The following FYB1 variants were observed in gnomAD, a reference collection of about 807,000 sequenced individuals.
The protein encoded by FYB1 is FYN binding protein 1, also known as FYN-binding protein 1.
Under a neutral mutation model 94.1 loss-of-function variants are expected in FYB1, and 41 were observed. The observed-to-expected ratio is 0.44, with a 90% CI of 0.34 to 0.57. FYB1 has a LOEUF of 0.57. Ranked by LOEUF, FYB1 falls within the 20% of genes least tolerant of loss-of-function variation. The pLI is 0.02. For missense variants in FYB1, 1,050 were observed against 976.8 expected (o/e 1.07, Z -1.00); for synonymous variants, 367 against 353.2 (o/e 1.04, Z -0.44).
intron 1 of FYB1, among the ~76,000 whole-genome samples, chr5:39,230,537 A>G (rs1750676180): frequency 6.6e-6 from 1 of 151,984 alleles, no homozygotes; most frequent in South Asian, 2.1e-4. Context: ...ATATATATGT[A>G]TATATGTATA....
chr5:39,111,993 CT>C (rs1471380792), intron 16 of FYB1, among the ~76,000 whole-genome samples: 1 of 151,900 alleles, frequency 6.6e-6, no homozygotes, highest in Non-Finnish European at 1.5e-5. Flanking sequence ...TGTTAACAGA[CT>C]TTCTTTTTAA....
At chr5:39,146,547 C>T (rs953247831) in intron 3 of FYB1, among the ~76,000 whole-genome samples, 14 of 152,206 alleles carry the variant, frequency 9.2e-5, no homozygotes, top group Admixed American at 7.2e-4. Flanking sequence ...AAGAGACTAA[C>T]TTTTATTACT....
chr5:39,201,701 T>C, intron 2 of FYB1, 125 bp downstream of exon 2: 1 of 824,790 alleles, frequency 1.2e-6, no homozygotes, highest in Non-Finnish European at 1.8e-6. Flanking sequence ...CAAAGAAAAT[T>C]CATTATACAC....
chr5:39,144,428 A>G (rs1312430386), intron 3 of FYB1, among the ~76,000 whole-genome samples: 1 of 152,238 alleles, frequency 6.6e-6, no homozygotes, highest in African/African-American at 2.4e-5. Context: ...GAACTATAGT[A>G]TCCACAAACA....
Position 39,148,381 on chromosome 5 carries a change from GTTTTTTTTTTTTTTTTT to G in FYB1, c.1292+5050_1292+5066del, listed in dbSNP as rs538508812. 3.0e-3 allele frequency among the ~76,000 whole-genome samples: 113 copies of G among 38,176 alleles called. 3 individuals carry two copies. Among genetic ancestry groups the G allele is most frequent in the Middle Eastern group, 0.025 (1 of 40 alleles). The allele number at this position is 38,176 out of a possible 152,430, so 25.0% of individuals were successfully genotyped here. On this transcript the variant is annotated intron_variant, in intron 3 of 18. Transcript: ENST00000512982. ...GCATTTAGCTTTTAATTATCAGCAG[GTTTTTTTTTTTTTTTTT>G]TTTTTTTTTTTTTTTTTTTTAAAGA...
At chr5:39,268,135 T>A (rs1324462121) in intron 1 of FYB1, among the ~76,000 whole-genome samples, 1 of 152,200 alleles carries the variant, frequency 6.6e-6, no homozygotes, top group Non-Finnish European at 1.5e-5. Flanking sequence ...TTTAAAATGA[T>A]GACATTCTCG....
At chr5:39,258,747 CAT>C (rs1387938528) in intron 1 of FYB1, among the ~76,000 whole-genome samples, 1 of 151,936 alleles carries the variant, frequency 6.6e-6, no homozygotes, top group Non-Finnish European at 1.5e-5. Flanking sequence ...TGACTTAGCA[CAT>C]GTCAGTGATA....
At chr5:39,188,009 G>A (rs1032825630) in intron 2 of FYB1, among the ~76,000 whole-genome samples, 5 of 152,180 alleles carry the variant, frequency 3.3e-5, no homozygotes, top group Admixed American at 6.5e-5. Context: ...GGCAAGAGTC[G>A]TTGATTACAG....
intron 1 of FYB1, among the ~76,000 whole-genome samples, chr5:39,253,821 G>A (rs1751830289): frequency 6.6e-6 from 1 of 152,094 alleles, no homozygotes; most frequent in Admixed American, 6.6e-5. Context: ...TATTTTTCCT[G>A]ATCCTCTTCT....
At chr5:39,186,196 C>CG (rs2150442244) in intron 2 of FYB1, among the ~76,000 whole-genome samples, 1 of 152,230 alleles carries the variant, frequency 6.6e-6, no homozygotes, top group East Asian at 1.9e-4. Context: ...GAGGCGAAGG[C>CG]GGGAGGATCA....
Position 39,123,774 on chromosome 5 carries a change from GA to G in FYB1, c.2071+478del, listed in dbSNP as rs573421526. 1.8e-4 allele frequency among the ~76,000 whole-genome samples: 27 copies of G among 152,138 alleles called. No individual in the cohort carries two copies. In the South Asian group the frequency reaches 5.2e-3, roughly 29 times the overall value. On this transcript the variant is annotated intron_variant, in intron 13 of 18. Coordinates refer to ENST00000512982, the MANE Select transcript of FYB1 (RefSeq NM_001465.6). ...TCTAAAGATCTGTCTCAGCAGGGATGAAAAAATAGTAACTGATAGAAATTTT... is the reference window on the plus strand; with the variant it reads ...TCTAAAGATCTGTCTCAGCAGGGATGAAAAATAGTAACTGATAGAAATTTT...
chr5:39,264,368 A>T (rs939975050), intron 1 of FYB1, among the ~76,000 whole-genome samples: 1 of 152,182 alleles, frequency 6.6e-6, no homozygotes, highest in Admixed American at 6.5e-5. Context: ...TGGCATTCTG[A>T]TCTTGGACTT....
At chr5:39,204,036 C>T (rs1489920401) in intron 1 of FYB1, among the ~76,000 whole-genome samples, 1 of 152,136 alleles carries the variant, frequency 6.6e-6, no homozygotes, top group African/African-American at 2.4e-5. Context: ...TTTCCCTTTT[C>T]ATGCTTTAAA....
intron 1 of FYB1, among the ~76,000 whole-genome samples, chr5:39,249,574 G>T (rs1333915509): frequency 7.3e-6 from 1 of 136,264 alleles, no homozygotes; most frequent in Non-Finnish European, 1.6e-5. Context: ...GAGAGGGATG[G>T]ACTTAAGGGG....
intron 2 of FYB1, among the ~76,000 whole-genome samples, chr5:39,191,052 C>A (rs1747312815): frequency 6.6e-6 from 1 of 152,092 alleles, no homozygotes; most frequent in African/African-American, 2.4e-5. Flanking sequence ...TTTCTCCTCC[C>A]AATAATTGTC....
intron 17 of FYB1, among the ~76,000 whole-genome samples, chr5:39,109,772 A>G (rs754021980): frequency 8.5e-5 from 13 of 152,146 alleles, no homozygotes; most frequent in Non-Finnish European, 1.8e-4. Flanking sequence ...AGGGGACTCC[A>G]AAGGCACACT....
intron 1 of FYB1, among the ~76,000 whole-genome samples, chr5:39,230,304 A>G (rs1290164947): frequency 6.6e-6 from 1 of 152,142 alleles, no homozygotes; most frequent in African/African-American, 2.4e-5. Flanking sequence ...TTGATCAGCT[A>G]TTGTTGGCTT....
chr5:39,240,191 T>G (rs779981989), intron 1 of FYB1, among the ~76,000 whole-genome samples: 7 of 152,162 alleles, frequency 4.6e-5, no homozygotes, highest in Non-Finnish European at 1.0e-4. Context: ...ATTAAAAACT[T>G]AAATGTAAAA....
chr5:39,210,822 G>A lies in FYB1; in HGVS notation c.-27-7835C>T, dbSNP rs927720045. On this transcript the variant is annotated intron_variant, in intron 1 of 18. Transcript: ENST00000512982. ...GCCCAAGGGTTTGAGTTCATCCTAA[G>A]CAACGTGGCGAGAGCCTGTCTCTAG... 3.3e-5 allele frequency among the ~76,000 whole-genome samples: 5 copies of A among 152,300 alleles called. No individual in the cohort carries two copies. The East Asian group carries it at 9.6e-4, about 29-fold the overall frequency.
Sources: allele counts gnomAD v4.1 joint callset (sites outside exome capture counted in the v4.1 genomes callset), GRCh38; gene constraint gnomAD v4.1.1; transcripts MANE v1.5; gene names NCBI Gene and HGNC (gene_info 2026-07-23, HGNC 2026-07-21).